The following TMEM266 variants were observed in gnomAD, a reference collection of about 807,000 sequenced individuals.
TMEM266 encodes Hv1 related protein 1.
Under a neutral mutation model 50.5 loss-of-function variants are expected in TMEM266, and 33 were observed. That is an observed-to-expected ratio of 0.65 (90% CI 0.50 to 0.87). TMEM266 has a LOEUF of 0.87. TMEM266 is among the 40% of genes least tolerant of loss of function. The pLI, the probability that TMEM266 is intolerant of heterozygous loss-of-function variation, is 0.00. For missense variants in TMEM266, 655 were observed against 695.1 expected (o/e 0.94, Z 0.65); for synonymous variants, 310 against 292.3 (o/e 1.06, Z -0.62).
Position 76,156,609 on chromosome 15 carries a change from A to T in TMEM266, c.233A>T (p.Asn78Ile). The change falls in exon 4 of 11, where the codon AAC becomes ATC. Residue 78 changes from asparagine to isoleucine, a missense_variant. This residue lies in a region of TMEM266 where 99 missense variants were observed against 110.8 expected (regional missense o/e 0.89). Transcript: ENST00000388942. ...CCCCACTTTTGTCCCCACAGGTCTA[A>T]CTGGCTGAAGCCGTGCTGTGGGAAG... 6.2e-7 allele frequency: 1 copy of T among 1,613,814 alleles called. No individual in the cohort carries two copies. The highest frequency in any genetic ancestry group is 8.5e-7 in the Non-Finnish European group (1 of 1,179,984).
chr15:76,191,073 C>G (rs948286609), intron 8 of TMEM266, among the ~76,000 whole-genome samples: 1 of 152,206 alleles, frequency 6.6e-6, no homozygotes, highest in African/African-American at 2.4e-5. Flanking sequence ...CAAGAGGTAT[C>G]TGGAAGCCTT....
At chr15:76,152,033 T>G (rs1342571346) in intron 3 of TMEM266, among the ~76,000 whole-genome samples, 1 of 152,264 alleles carries the variant, frequency 6.6e-6, no homozygotes, top group East Asian at 1.9e-4. Flanking sequence ...TGCTCTAGTG[T>G]GCAGCTGGGC....
At position 76,103,397 on chromosome 15, in the gene TMEM266, G is replaced by A. The variant is rs80106234; in HGVS notation, c.-96-30771G>A. Among the ~76,000 whole-genome samples, 1,396 of 152,142 alleles carry A rather than the reference G, an allele frequency of 9.2e-3. 18 individuals carry two copies. The highest frequency in any genetic ancestry group is 0.032 in the African/African-American group (1,321 of 41,488). ...GTGCCTGTATCCCAGCTACTTGGGA[G>A]GCTGAGGTGGGAGGATTGCTTGAGC... On this transcript the variant is annotated intron_variant, in intron 1 of 10. Transcript: ENST00000388942.
intron 1 of TMEM266, among the ~76,000 whole-genome samples, chr15:76,097,853 G>T (rs2036944652): frequency 6.6e-6 from 1 of 151,528 alleles, no homozygotes; most frequent in Non-Finnish European, 1.5e-5. Context: ...TCATTAAGTT[G>T]ATCTTCAATC....
chr15:76,156,644 G>A lies in TMEM266; in HGVS notation c.268G>A (p.Val90Met), dbSNP rs779440839. 9.3e-6 allele frequency: 15 copies of A among 1,614,054 alleles called. No homozygotes were observed. In the East Asian group the frequency reaches 1.8e-4, roughly 19 times the overall value. ...GCCGTGCTGTGGGAAGAGAGCAGCC[G>A]TGTGGCAGGTATTTTTGCTCAGTGC... Residue 90 changes from valine (V) to methionine (M), a missense_variant, in exon 4 of 11, where the codon GTG becomes ATG. Coordinates refer to ENST00000388942, the MANE Select transcript of TMEM266 (RefSeq NM_152335.3).
chr15:76,173,792 G>C (rs2038223523), intron 7 of TMEM266, among the ~76,000 whole-genome samples: 1 of 151,990 alleles, frequency 6.6e-6, no homozygotes, highest in Non-Finnish European at 1.5e-5. Flanking sequence ...AATTAGCTGA[G>C]TGTGGTGATG....
chr15:76,095,981 A>G (rs1459912843), intron 1 of TMEM266, among the ~76,000 whole-genome samples: 2 of 151,780 alleles, frequency 1.3e-5, no homozygotes, highest in Non-Finnish European at 2.9e-5. Context: ...ATCATTTTTT[A>G]TTGCATCTAT....
chr15:76,126,891 T>C (rs2037432363), intron 1 of TMEM266, among the ~76,000 whole-genome samples: 1 of 152,010 alleles, frequency 6.6e-6, no homozygotes, highest in South Asian at 2.1e-4. Flanking sequence ...AGTAGAATGA[T>C]AGTTACCAGG....
chr15:76,099,642 G>C (rs1026677681), intron 1 of TMEM266, among the ~76,000 whole-genome samples: 13 of 152,220 alleles, frequency 8.5e-5, no homozygotes, highest in African/African-American at 3.1e-4. Flanking sequence ...GAAGCATTGA[G>C]ATTGGCACCC....
At chr15:76,111,016 C>T (rs2037162788) in intron 1 of TMEM266, among the ~76,000 whole-genome samples, 1 of 152,006 alleles carries the variant, frequency 6.6e-6, no homozygotes, top group Non-Finnish European at 1.5e-5. Flanking sequence ...GCAACAGGAA[C>T]TCTCATTCAC....
chr15:76,175,264 AGCTGC>A, intron 7 of TMEM266: 1 of 285,106 alleles, frequency 3.5e-6, no homozygotes, highest in South Asian at 3.9e-5. Flanking sequence ...GGCCACCCAT[AGCTGC>A]AAAGGAGGCT....
chr15:76,124,572 G>A lies in TMEM266; in HGVS notation c.-96-9596G>A, dbSNP rs564778521. ...CAGGCTATTTGGGAGTCTTAGGCAGGAGAATTGCTTGAGCCCAGGGGTTCC... is the reference window on the plus strand; with the variant it reads ...CAGGCTATTTGGGAGTCTTAGGCAGAAGAATTGCTTGAGCCCAGGGGTTCC... On this transcript the variant is annotated intron_variant, in intron 1 of 10. Coordinates refer to ENST00000388942, the MANE Select transcript of TMEM266 (RefSeq NM_152335.3). Among the ~76,000 whole-genome samples the A allele has an allele frequency of 2.0e-3, 303 of 152,142 alleles. 1 individual carries two copies. Among genetic ancestry groups the A allele is most frequent in the Non-Finnish European group, 3.5e-3 (236 of 67,998 alleles).
At chr15:76,136,054 C>T (rs992964662) in intron 2 of TMEM266, among the ~76,000 whole-genome samples, 2 of 152,240 alleles carry the variant, frequency 1.3e-5, no homozygotes, top group Non-Finnish European at 2.9e-5. Flanking sequence ...AGCGATTCTC[C>T]TGCCTCAGCC....
At chr15:76,101,217 A>G (rs1006750898) in intron 1 of TMEM266, among the ~76,000 whole-genome samples, 1 of 152,174 alleles carries the variant, frequency 6.6e-6, no homozygotes, top group Non-Finnish European at 1.5e-5. Flanking sequence ...CTGCTGAGGG[A>G]TGTCAAGTAG....
At chr15:76,186,759 G>C (rs1163188542) in intron 8 of TMEM266, among the ~76,000 whole-genome samples, 2 of 152,094 alleles carry the variant, frequency 1.3e-5, no homozygotes, top group Non-Finnish European at 2.9e-5. Context: ...GGTCAGCATG[G>C]TCCTTTCAAA....
chr15:76,134,610 G>C (rs554512895), intron 2 of TMEM266, among the ~76,000 whole-genome samples: 1 of 152,328 alleles, frequency 6.6e-6, no homozygotes, highest in African/African-American at 2.4e-5. Context: ...GATGCCATAT[G>C]AACCAATCAC....
At chr15:76,192,570 G>T (rs1212485935) in intron 9 of TMEM266, among the ~76,000 whole-genome samples, 1 of 152,180 alleles carries the variant, frequency 6.6e-6, no homozygotes, top group Non-Finnish European at 1.5e-5. Flanking sequence ...GAGGTCTGGG[G>T]CTTCCTACTG....
intron 3 of TMEM266, among the ~76,000 whole-genome samples, chr15:76,149,504 A>C (rs1432916413): frequency 6.6e-6 from 1 of 152,250 alleles, no homozygotes; most frequent in Admixed American, 6.5e-5. Flanking sequence ...CCGTGTATCT[A>C]AATCATCACC....
chr15:76,128,004 G>T lies in TMEM266; in HGVS notation c.-96-6164G>T, dbSNP rs547721729. On this transcript the variant is annotated intron_variant, in intron 1 of 10. Transcript: ENST00000388942. ...ATTATTCTGGTACATGAGAACGTTT[G>T]AGAACCACTGATACAGAGGGTCAAG... Among the ~76,000 whole-genome samples the T allele has an allele frequency of 2.6e-5, 4 of 152,268 alleles. No individual in the cohort carries two copies. In the South Asian group the frequency reaches 8.3e-4, roughly 32 times the overall value.
Sources: gnomAD v4.1 joint callset for allele counts (sites outside exome capture counted in the v4.1 genomes callset) on GRCh38, gnomAD v4.1.1 for gene constraint, gnomAD v4.1.1 regional missense constraint, MANE v1.5 for transcripts, NCBI Gene and HGNC (gene_info 2026-07-23, HGNC 2026-07-21) for gene names.